Variants in FAM184A observed in about 807,000 individuals in gnomAD.
The protein encoded by FAM184A is protein FAM184A.
FAM184A carries 99 observed loss-of-function variants against 143.8 expected under a neutral mutation model. That is an observed-to-expected ratio of 0.69 (90% confidence interval 0.58 to 0.81). FAM184A has a LOEUF of 0.81. Ranked by LOEUF, FAM184A falls within the 40% of genes least tolerant of loss-of-function variation. The pLI is 0.00. For missense variants in FAM184A, 1,217 were observed against 1,310.5 expected (o/e 0.93, Z 1.10); for synonymous variants, 427 against 446.4 (o/e 0.96, Z 0.55).
intron 1 of FAM184A, among the ~76,000 whole-genome samples, chr6:119,076,909 A>G (rs1457369110): frequency 6.6e-6 from 1 of 152,190 alleles, no homozygotes; most frequent in Non-Finnish European, 1.5e-5. Flanking sequence ...AATTTCTGAG[A>G]CAGTGCTGAG....
At chr6:119,070,690 A>C (rs947516718) in intron 1 of FAM184A, among the ~76,000 whole-genome samples, 1 of 152,136 alleles carries the variant, frequency 6.6e-6, no homozygotes, top group Admixed American at 6.5e-5. Context: ...TCCTGAAATC[A>C]GTTAGTGATT....
chr6:118,977,152 G>A (rs770756845), intron 11 of FAM184A, among the ~76,000 whole-genome samples: 4 of 152,096 alleles, frequency 2.6e-5, no homozygotes, highest in Admixed American at 6.6e-5. Flanking sequence ...GATCTTTAAC[G>A]GGCAAAGGAC....
At chr6:119,079,958 T>C (rs907198642), upstream of FAM184A, among the ~76,000 whole-genome samples, 5 of 152,210 alleles carry the variant, frequency 3.3e-5, no homozygotes, top group East Asian at 3.8e-4. Flanking sequence ...ATGGAGCATA[T>C]GGCCAGAAAC....
chr6:119,081,958 C>T (rs1280347125), upstream of FAM184A, among the ~76,000 whole-genome samples: 1 of 152,222 alleles, frequency 6.6e-6, no homozygotes, highest in African/African-American at 2.4e-5. Flanking sequence ...ATGTGCTCCT[C>T]TTGACATCCG....
intron 1 of FAM184A, among the ~76,000 whole-genome samples, chr6:119,106,982 T>C (rs944834621): frequency 6.6e-6 from 1 of 152,222 alleles, no homozygotes; most frequent in African/African-American, 2.4e-5. Context: ...TTTATCCAAG[T>C]TACTCATTTC....
At chr6:119,139,326 C>A (rs1459163164) in intron 1 of FAM184A, among the ~76,000 whole-genome samples, 1 of 152,174 alleles carries the variant, frequency 6.6e-6, no homozygotes, top group Non-Finnish European at 1.5e-5. Context: ...AACCACAGGC[C>A]TCTCTGGAGC....
chr6:118,961,632 A>T, intron 17 of FAM184A, 129 bp downstream of exon 17: 1 of 811,370 alleles, frequency 1.2e-6, no homozygotes. Context: ...GGATAAATAT[A>T]CTTTGAAGAA....
intron 1 of FAM184A, chr6:119,025,429 T>C (rs768555755): frequency 3.9e-6 from 2 of 518,652 alleles, no homozygotes; most frequent in South Asian, 2.8e-5. Flanking sequence ...ATCCAATTTG[T>C]ACTTTTTCTC....
chr6:119,061,050 G>C (rs1012219899), intron 1 of FAM184A, among the ~76,000 whole-genome samples: 24 of 152,158 alleles, frequency 1.6e-4, no homozygotes, highest in African/African-American at 5.8e-4. Context: ...TGTATGAGTA[G>C]CTTGATTAAA....
chr6:119,102,415 A>T (rs181615213), intron 1 of FAM184A, among the ~76,000 whole-genome samples: 27 of 152,278 alleles, frequency 1.8e-4, no homozygotes, highest in Admixed American at 1.7e-3. Context: ...GTATTAGGCA[A>T]TAGGAATCAT....
At chr6:119,082,289 C>A (rs1788095907), upstream of FAM184A, among the ~76,000 whole-genome samples, 1 of 152,148 alleles carries the variant, frequency 6.6e-6, no homozygotes, top group Admixed American at 6.5e-5. Flanking sequence ...AGACACAGAG[C>A]CAAATCATAT....
chr6:119,096,529 G>C, intron 1 of FAM184A, among the ~76,000 whole-genome samples: 1 of 84,100 alleles, frequency 1.2e-5, no homozygotes, highest in Non-Finnish European at 2.4e-5. Context: ...CCAGCTACTC[G>C]GGAGGCTGAG....
rs62421099 is a variant in FAM184A at position 118,997,570 on chromosome 6, C to T, written c.2088+5329G>A. ...CCAGGCAGTGACATGCACTTGTAGT[C>T]CCAGCTACTTGGGAGGCTGAGGCTG... On this transcript the variant is annotated intron_variant, in intron 9 of 17. Transcript: ENST00000338891. Among the ~76,000 whole-genome samples, 871 of 152,086 alleles carry T rather than the reference C, an allele frequency of 5.7e-3. 6 individuals carry two copies. The highest frequency in any genetic ancestry group is 9.9e-3 in the Non-Finnish European group (674 of 67,978).
chr6:118,963,628 G>C (rs1343884031), intron 16 of FAM184A: 1 of 151,998 alleles, frequency 6.6e-6, no homozygotes, highest in Non-Finnish European at 1.5e-5. Context: ...AAATTTCTGG[G>C]TAAAGTCCTA....
intron 1 of FAM184A, among the ~76,000 whole-genome samples, chr6:119,115,085 A>G (rs1789022561): frequency 6.6e-6 from 1 of 152,260 alleles, no homozygotes; most frequent in African/African-American, 2.4e-5. Context: ...TTAGATAAAT[A>G]TTCACTTAAT....
At chr6:119,100,777 C>T (rs531466492) in intron 1 of FAM184A, among the ~76,000 whole-genome samples, 2 of 151,866 alleles carry the variant, frequency 1.3e-5, no homozygotes, top group Admixed American at 6.5e-5. Context: ...GCCAATATGT[C>T]GAAACCTCGT....
intron 1 of FAM184A, among the ~76,000 whole-genome samples, chr6:119,029,866 T>C (rs1445001162): frequency 6.6e-6 from 1 of 152,180 alleles, no homozygotes; most frequent in Non-Finnish European, 1.5e-5. Context: ...TGTTTATGTA[T>C]TGCCTATAGC....
At chr6:119,084,457 G>A (rs764585893) in intron 1 of FAM184A, among the ~76,000 whole-genome samples, 7 of 152,224 alleles carry the variant, frequency 4.6e-5, no homozygotes, top group Non-Finnish European at 8.8e-5. Flanking sequence ...TGATGCAAGA[G>A]GTGGGCTCCC....
intron 1 of FAM184A, among the ~76,000 whole-genome samples, chr6:119,050,504 T>A (rs1460600258): frequency 2.0e-5 from 3 of 148,366 alleles, no homozygotes; most frequent in Admixed American, 6.7e-5. Context: ...TATGCAGCCA[T>A]AAAAAAAAAA....
Sources: gnomAD v4.1 joint callset for allele counts (sites outside exome capture counted in the v4.1 genomes callset) on GRCh38, gnomAD v4.1.1 for gene constraint, MANE v1.5 for transcripts, NCBI Gene and HGNC (gene_info 2026-07-23, HGNC 2026-07-21) for gene names.